Variants in CACNA1B observed in about 807,000 individuals in gnomAD.
The protein encoded by CACNA1B is calcium voltage-gated channel subunit alpha1 B.
CACNA1B carries 70 observed loss-of-function variants against 247.2 expected under a neutral mutation model. That is an observed-to-expected ratio of 0.28 (90% confidence interval 0.23 to 0.35). The LOEUF (loss-of-function observed/expected upper bound fraction) is 0.35. Among genes scored for constraint, CACNA1B ranks in the 10% least tolerant of loss-of-function variants. The pLI is 1.00. For synonymous variants in CACNA1B, 1,231 were observed against 1,294.4 expected (o/e 0.95, Z 1.05); for missense variants, 2,367 against 3,197.4 (o/e 0.74, Z 6.26).
At chr9:138,112,092 C>T (rs1424809686) in intron 39 of CACNA1B, among the ~76,000 whole-genome samples, 3 of 151,862 alleles carry the variant, frequency 2.0e-5, no homozygotes, top group Admixed American at 6.6e-5. Flanking sequence ...CCTCATTGCC[C>T]GTCCCATGCA....
In CACNA1B at chr9:137,954,855, C is replaced by CGCG. The variant is rs1164388854; in HGVS notation, c.1071-843_1071-842insGCG. 1.9e-4 allele frequency among the ~76,000 whole-genome samples: 16 copies of CGCG among 84,674 alleles called. No homozygotes were observed. Among genetic ancestry groups the CGCG allele is most frequent in the African/African-American group, 3.8e-4 (3 of 7,862 alleles). 55.5% of individuals were successfully genotyped at this position (84,674 alleles called of 152,430 possible). A position where few individuals can be genotyped will look rare whatever the true frequency, so the allele number is the denominator to read the frequency against. On this transcript the variant is annotated intron_variant, in intron 7 of 46. Coordinates refer to ENST00000371372, the MANE Select transcript of CACNA1B (RefSeq NM_000718.4). This position sits in a 1 kb window ranked among gnomAD's most constrained non-coding sequence, Gnocchi z 4.1. ...CACACCCACTCCACCAACTCAGAAG[C>CGCG]TTGTGTGTGTGTGTGTGTGTGTGTG...
chr9:138,083,208 C>T (rs1220637548), intron 36 of CACNA1B, among the ~76,000 whole-genome samples: 3 of 151,114 alleles, frequency 2.0e-5, no homozygotes, highest in African/African-American at 4.9e-5. Flanking sequence ...GGAACTAGAG[C>T]GGGAGTGTGA....
rs1957390935 is a variant in CACNA1B, at chr9:137,914,553, G to A, written c.623-101G>A. The A allele has an allele frequency of 1.1e-6, 1 of 951,876 alleles. No homozygotes were observed. The highest frequency in any genetic ancestry group is 1.6e-6 in the Non-Finnish European group (1 of 620,496). The allele number at this position is 951,876 out of a possible 1,614,324, so 59.0% of individuals were successfully genotyped here. A position where few individuals can be genotyped will look rare whatever the true frequency, so the allele number is the denominator to read the frequency against. ...GCAAGCACTCACTGCTTAGCACCTTGCTGTCCCTGCTAGGTTCCTGCTGTT... is the reference window on the plus strand; with the variant it reads ...GCAAGCACTCACTGCTTAGCACCTTACTGTCCCTGCTAGGTTCCTGCTGTT... On this transcript the variant is annotated intron_variant, in intron 4 of 46. Transcript: ENST00000371372. This position sits in a 1 kb window ranked among gnomAD's most constrained non-coding sequence, Gnocchi z 4.3.
chr9:137,892,656 C>G (rs1957119206), intron 3 of CACNA1B: 1 of 339,432 alleles, frequency 2.9e-6, no homozygotes, highest in Non-Finnish European at 5.8e-6. Context: ...AGGGACGTCC[C>G]CCAGCACAGG....
intron 15 of CACNA1B, among the ~76,000 whole-genome samples, chr9:137,993,646 A>G (rs1215641027): frequency 3.3e-5 from 5 of 152,238 alleles, no homozygotes; most frequent in Non-Finnish European, 5.9e-5. Context: ...AGCTTAAATC[A>G]GGGAGAATTA....
chr9:137,919,527 A>C lies in CACNA1B; in HGVS notation c.966+2096A>C, dbSNP rs989914658. ...CAGTCCGCTCCTCCACACTAAGGGC[A>C]TACAGGGTCGGTCACTGGAGATTAG... On this transcript the variant is annotated intron_variant, in intron 6 of 46. Coordinates refer to ENST00000371372, the MANE Select transcript of CACNA1B (RefSeq NM_000718.4). The surrounding 1 kb of genome is among the most constrained non-coding windows in gnomAD (Gnocchi z 4.6). 6.6e-6 allele frequency among the ~76,000 whole-genome samples: 1 copy of C among 152,256 alleles called. No homozygotes were observed. Among genetic ancestry groups the C allele is most frequent in the Non-Finnish European group, 1.5e-5 (1 of 68,052 alleles).
chr9:137,974,348 C>T lies in CACNA1B; in HGVS notation c.1544-1559C>T, dbSNP rs1452503130. Among the ~76,000 whole-genome samples, 1 of 152,188 alleles carries T rather than the reference C, an allele frequency of 6.6e-6. No homozygotes were observed. Among genetic ancestry groups the T allele is most frequent in the African/African-American group, 2.4e-5 (1 of 41,442 alleles). On this transcript the variant is annotated intron_variant, in intron 11 of 46. Transcript: ENST00000371372. The surrounding 1 kb of genome is among the most constrained non-coding windows in gnomAD (Gnocchi z 4.5). ...CGGCTTCTCCAGGGACACTGCTTGG[C>T]CTTGTTATCATCCCATGCTTAGCTT...
intron 20 of CACNA1B, among the ~76,000 whole-genome samples, chr9:138,038,670 G>T (rs1959077112): frequency 6.6e-6 from 1 of 152,236 alleles, no homozygotes; most frequent in Admixed American, 6.5e-5. Context: ...AGCCACCTTT[G>T]CAGGACCTGG....
intron 44 of CACNA1B, among the ~76,000 whole-genome samples, chr9:138,119,473 GC>G (rs1961998865): frequency 6.6e-6 from 1 of 152,162 alleles, no homozygotes; most frequent in African/African-American, 2.4e-5. Flanking sequence ...GAGCCCCCGT[GC>G]CAGCCCTGTC....
At chr9:137,951,910 C>T (rs934264869) in intron 6 of CACNA1B, among the ~76,000 whole-genome samples, 1 of 152,170 alleles carries the variant, frequency 6.6e-6, no homozygotes, top group African/African-American at 2.4e-5. Flanking sequence ...GTCTGGTAGC[C>T]AGGGAGGTGT....
intron 36 of CACNA1B, among the ~76,000 whole-genome samples, chr9:138,085,996 A>G (rs2131329083): frequency 6.6e-6 from 1 of 151,344 alleles, no homozygotes; most frequent in South Asian, 2.1e-4. Context: ...CAAAAGAGAA[A>G]GAGAAAATAA....
In CACNA1B at chr9:138,059,628, C is replaced by G. The variant is rs767441383; in HGVS notation, c.4585-26C>G. The stretch of plus-strand genomic sequence containing the variant: ...CAACAGAGCCCTCATCAGCCGCTGG[C>G]ACTAACTGCTCTTCTTTTTCTCTAG... On this transcript the variant is annotated intron_variant, in intron 30 of 46. Coordinates refer to ENST00000371372, the MANE Select transcript of CACNA1B (RefSeq NM_000718.4). This position sits in a 1 kb window ranked among gnomAD's most constrained non-coding sequence, Gnocchi z 4.2. The G allele has an allele frequency of 7.3e-7, 1 of 1,374,832 alleles. No homozygotes were observed. Among genetic ancestry groups the G allele is most frequent in the Non-Finnish European group, 1.0e-6 (1 of 962,082 alleles). The allele number at this position is 1,374,832 out of a possible 1,614,324, so 85.2% of individuals were successfully genotyped here. A position where few individuals can be genotyped will look rare whatever the true frequency, so the allele number is the denominator to read the frequency against.
rs563911216 is a variant in CACNA1B at position 138,098,431 on chromosome 9, G to A, written c.5222+1820G>A. ...TAGAGAGTCGCTGCTTTTTCTGGGTGTATTTTTTCTGGAGGAGACTGTGTT... is the reference window on the plus strand; with the variant it reads ...TAGAGAGTCGCTGCTTTTTCTGGGTATATTTTTTCTGGAGGAGACTGTGTT... On this transcript the variant is annotated intron_variant, in intron 37 of 46. Coordinates refer to ENST00000371372, the MANE Select transcript of CACNA1B (RefSeq NM_000718.4). 4.6e-5 allele frequency among the ~76,000 whole-genome samples: 7 copies of A among 152,278 alleles called. No homozygotes were observed. In the East Asian group the frequency reaches 1.4e-3, roughly 29 times the overall value.
Position 138,078,277 on chromosome 9 carries a change from G to A in CACNA1B, c.5094+19G>A. 2 of 1,612,358 alleles carry A rather than the reference G, an allele frequency of 1.2e-6. No individual in the cohort carries two copies. The highest frequency in any genetic ancestry group is 1.7e-6 in the Non-Finnish European group (2 of 1,178,660). On this transcript the variant is annotated intron_variant, in intron 36 of 46. Transcript: ENST00000371372. The stretch of plus-strand genomic sequence containing the variant: ...CTTTCTGGTGAGTCCTGGGCACTGT[G>A]CCCCTCCCAGTGCCACGTCTTGTCT...
At chr9:137,987,250 A>AC (rs1958375502) in intron 15 of CACNA1B, among the ~76,000 whole-genome samples, 1 of 151,430 alleles carries the variant, frequency 6.6e-6, no homozygotes. Context: ...GATCCCAGTG[A>AC]CCCCCTCAGT....
At chr9:138,070,394 G>A (rs566593219) in intron 32 of CACNA1B, among the ~76,000 whole-genome samples, 1 of 152,354 alleles carries the variant, frequency 6.6e-6, no homozygotes, top group African/African-American at 2.4e-5. Flanking sequence ...CCTAGAGGCA[G>A]TGGAGCCGAA....
At chr9:138,068,927 C>G (rs1282406215) in intron 31 of CACNA1B, among the ~76,000 whole-genome samples, 1 of 152,244 alleles carries the variant, frequency 6.6e-6, no homozygotes, top group Non-Finnish European at 1.5e-5. Context: ...CACTCCGTCC[C>G]TCAGCTGCGA....
intron 31 of CACNA1B, among the ~76,000 whole-genome samples, chr9:138,063,322 G>A (rs545599523): frequency 1.3e-4 from 20 of 152,294 alleles, no homozygotes; most frequent in African/African-American, 4.3e-4. Flanking sequence ...GCGAGACCCT[G>A]TCTCTGTAAA....
Position 138,094,457 on chromosome 9 carries a change from A to AAAAAAGAAG in CACNA1B, c.5095-2025_5095-2024insAAAGAAGAA, listed in dbSNP as rs752912258. 7.0e-4 allele frequency among the ~76,000 whole-genome samples: 95 copies of AAAAAAGAAG among 134,836 alleles called. 4 individuals are homozygous for AAAAAAGAAG. The East Asian group carries it at 0.02, about 28-fold the overall frequency. 88.5% of individuals were successfully genotyped at this position (134,836 alleles called of 152,430 possible). On this transcript the variant is annotated intron_variant, in intron 36 of 46. Transcript: ENST00000371372. ...TTTACTACAGTAAAAAAAAAAAAAA[A>AAAAAAGAAG]AAGAAGAAGAAGAAGAAAGTGAACA...
Sources: allele counts gnomAD v4.1 joint callset (sites outside exome capture counted in the v4.1 genomes callset), GRCh38; gene constraint gnomAD v4.1.1; non-coding constraint Gnocchi (gnomAD v3.1); transcripts MANE v1.5; gene names NCBI Gene and HGNC (gene_info 2026-07-23, HGNC 2026-07-21).